Variants in ARSG observed in about 807,000 individuals in gnomAD.
ARSG encodes the protein arylsulfatase G, also known as ASG.
ARSG carries 37 observed loss-of-function variants against 50.5 expected under a neutral mutation model. That is an observed-to-expected ratio of 0.73 (90% CI 0.56 to 0.96). The LOEUF (loss-of-function observed/expected upper bound fraction) is 0.96, where lower values mean the gene tolerates loss of function less well. Ranked by LOEUF, ARSG falls within the 50% of genes least tolerant of loss-of-function variation. ARSG has a pLI of 0.00. For synonymous variants in ARSG, 225 were observed against 254.6 expected, an observed-to-expected ratio of 0.88 and a Z score of 1.11; for missense variants, 629 against 675.3, an observed-to-expected ratio of 0.93 and a Z score of 0.76.
chr17:68,301,333 C>T (rs2076407769), intron 1 of ARSG, among the ~76,000 whole-genome samples: 1 of 152,182 alleles, frequency 6.6e-6, no homozygotes, highest in South Asian at 2.1e-4. Flanking sequence ...ATGTTTATTA[C>T]ATGTAGATAA....
At chr17:68,276,828 A>G (rs532566632) in intron 1 of ARSG, among the ~76,000 whole-genome samples, 1 of 152,270 alleles carries the variant, frequency 6.6e-6, no homozygotes, top group South Asian at 2.1e-4. Flanking sequence ...TGACAGACCA[A>G]TGAACTCATG....
At chr17:68,432,159 G>A in the ARSG span, among the ~76,000 whole-genome samples, 1 of 152,302 alleles carries the variant, frequency 6.6e-6, no homozygotes, top group African/African-American at 2.4e-5. Context: ...GGAAAGTTCT[G>A]GAAAGATGAA....
the ARSG span, among the ~76,000 whole-genome samples, chr17:68,438,123 C>G: frequency 6.6e-6 from 1 of 152,114 alleles, no homozygotes; most frequent in Non-Finnish European, 1.5e-5. Context: ...GAGTTGGAAC[C>G]TAGGTCTCAT....
chr17:68,417,253 C>T (rs936996445), intron 11 of ARSG, among the ~76,000 whole-genome samples: 8 of 152,152 alleles, frequency 5.3e-5, no homozygotes, highest in Non-Finnish European at 1.0e-4. Flanking sequence ...GTCAGTTAGG[C>T]TGTGAGAAAA....
chr17:68,318,959 T>C (rs2077175355), intron 2 of ARSG, among the ~76,000 whole-genome samples: 1 of 152,212 alleles, frequency 6.6e-6, no homozygotes, highest in Non-Finnish European at 1.5e-5. Flanking sequence ...TCATGCACCC[T>C]GTTACCTCTC....
intron 9 of ARSG, among the ~76,000 whole-genome samples, chr17:68,386,254 C>A (rs1199992193): frequency 3.3e-5 from 5 of 152,268 alleles, no homozygotes; most frequent in African/African-American, 1.2e-4. Context: ...CAAGGGGAAC[C>A]CTCCGTAGAA....
chr17:68,427,382 G>C (rs761699294), downstream of ARSG: 45 of 708,806 alleles, frequency 6.3e-5, no homozygotes, highest in Admixed American at 1.1e-4. Flanking sequence ...TTTGAGGCAG[G>C]GTCTTGCTCT....
At chr17:68,444,549 T>C in the ARSG span, 1 of 1,614,138 alleles carries the variant, frequency 6.2e-7, no homozygotes, top group Non-Finnish European at 8.5e-7. Flanking sequence ...GTCTTTAATG[T>C]TGTGAATATA....
the ARSG span, among the ~76,000 whole-genome samples, chr17:68,447,984 CAAA>C: frequency 2.7e-3 from 217 of 80,236 alleles, 2 homozygotes; most frequent in African/African-American, 8.7e-3. Flanking sequence ...GACTCTATCT[CAAA>C]AAAAAAAAAA....
chr17:68,360,925 A>G (rs1278545872), intron 6 of ARSG, among the ~76,000 whole-genome samples: 1 of 152,066 alleles, frequency 6.6e-6, no homozygotes, highest in African/African-American at 2.4e-5. Flanking sequence ...CCTGGGTTCA[A>G]GCGATTCTCC....
Position 68,379,421 on chromosome 17 carries a change from A to ATTTTTTTTTTTTTTTT in ARSG, c.983-5629_983-5614dup, listed in dbSNP as rs375841879. The stretch of plus-strand genomic sequence containing the variant: ...GTGCCACCATGCCTGGAACACTACA[A>ATTTTTTTTTTTTTTTT]TTTTTTTTTTTTTTTTTTTTTTTTT... On this transcript the variant is annotated intron_variant, in intron 8 of 11. Coordinates refer to ENST00000621439, the MANE Select transcript of ARSG (RefSeq NM_001267727.2). Among the ~76,000 whole-genome samples the ATTTTTTTTTTTTTTTT allele has an allele frequency of 1.4e-4, 10 of 72,268 alleles. 1 individual carries two copies. The highest frequency in any genetic ancestry group is 5.7e-4 in the African/African-American group (9 of 15,828). The allele number at this position is 72,268 out of a possible 152,430, so 47.4% of individuals were successfully genotyped here. A position where few individuals can be genotyped will look rare whatever the true frequency, so the allele number is the denominator to read the frequency against.
At chr17:68,357,189 A>G (rs1322497636) in intron 6 of ARSG, among the ~76,000 whole-genome samples, 2 of 152,160 alleles carry the variant, frequency 1.3e-5, no homozygotes, top group Admixed American at 6.5e-5. Flanking sequence ...TTACTTTTCC[A>G]TTGCTGCTGT....
chr17:68,379,961 C>A, intron 8 of ARSG: 1 of 754,854 alleles, frequency 1.3e-6, no homozygotes, highest in Non-Finnish European at 1.6e-6. Flanking sequence ...TACAACTGAC[C>A]TTTGAGCGAC....
At chr17:68,323,431 G>A (rs1261587140) in intron 2 of ARSG, among the ~76,000 whole-genome samples, 2 of 152,044 alleles carry the variant, frequency 1.3e-5, no homozygotes, top group Non-Finnish European at 2.9e-5. Context: ...CATTATTATT[G>A]TAAAGATGGG....
chr17:68,274,442 G>C lies in ARSG; in HGVS notation c.-552+15016G>C, dbSNP rs1454361848. On this transcript the variant is annotated intron_variant, in intron 1 of 11. Coordinates refer to the ARSG transcript ENST00000448504. ...GATTGCACCACTGCACTCCATACTG[G>C]GTGACAGAGTGAGACCCTGTCTCAA... 3.0e-5 allele frequency: 5 copies of C among 163,950 alleles called. No individual in the cohort carries two copies. The South Asian group carries it at 7.1e-4, about 23-fold the overall frequency. 10.2% of individuals were successfully genotyped at this position (163,950 alleles called of 1,614,324 possible).
At chr17:68,444,754 C>T in the ARSG span, among the ~76,000 whole-genome samples, 1 of 152,174 alleles carries the variant, frequency 6.6e-6, no homozygotes, top group Admixed American at 6.5e-5. Context: ...CACACATACA[C>T]ATGTAATCAT....
chr17:68,382,467 C>T (rs1452182625), intron 8 of ARSG, among the ~76,000 whole-genome samples: 4 of 152,158 alleles, frequency 2.6e-5, no homozygotes, highest in Admixed American at 1.3e-4. Flanking sequence ...GTTGTTATTA[C>T]TATTATGTTT....
intron 2 of ARSG, among the ~76,000 whole-genome samples, chr17:68,331,432 G>A (rs1300315402): frequency 6.6e-6 from 1 of 152,058 alleles, no homozygotes; most frequent in Admixed American, 6.6e-5. Context: ...TTTTAGTAGA[G>A]ACGGGGTTTC....
chr17:68,344,195 G>A (rs1316878101), intron 3 of ARSG, among the ~76,000 whole-genome samples: 6 of 152,208 alleles, frequency 3.9e-5, no homozygotes, highest in African/African-American at 4.8e-5. Flanking sequence ...AAGAAGAGAA[G>A]GGAGATGGCT....
Sources: allele counts gnomAD v4.1 joint callset (sites outside exome capture counted in the v4.1 genomes callset), GRCh38; gene constraint gnomAD v4.1.1; transcripts MANE v1.5; gene names NCBI Gene and HGNC (gene_info 2026-07-23, HGNC 2026-07-21).